The following CEP126 variants were observed in gnomAD, a reference collection of about 807,000 sequenced individuals.
CEP126 encodes centrosomal protein 126.
Under a neutral mutation model 107.8 loss-of-function variants are expected in CEP126, and 74 were observed. The ratio of observed to expected loss-of-function variants is 0.69; its 90% CI spans 0.57 to 0.83. CEP126 has a LOEUF of 0.83. Among genes scored for constraint, CEP126 ranks in the 40% least tolerant of loss-of-function variants. The pLI, the probability that CEP126 is intolerant of heterozygous loss-of-function variation, is 0.00. For synonymous variants in CEP126, 449 were observed against 446.0 expected, an observed-to-expected ratio of 1.01 and a Z score of -0.08; for missense variants, 1,237 against 1,281.9, an observed-to-expected ratio of 0.96 and a Z score of 0.53.
At chr11:101,956,972 TG>T in intron 4 of CEP126, 1 of 324,252 alleles carries the variant, frequency 3.1e-6, no homozygotes, top group South Asian at 2.6e-5. Flanking sequence ...TTAGATATTT[TG>T]TAGATATAGC....
At chr11:101,973,665 A>T (rs545710659) in intron 6 of CEP126, among the ~76,000 whole-genome samples, 29 of 152,210 alleles carry the variant, frequency 1.9e-4, no homozygotes, top group South Asian at 1.2e-3. Context: ...AAAACTTAAA[A>T]TTTTTTTTAA....
Position 101,962,921 on chromosome 11 carries a change from A to T in CEP126, c.1886A>T (p.Lys629Ile). 6.2e-7 allele frequency: 1 copy of T among 1,610,250 alleles called. No individual in the cohort carries two copies. Among genetic ancestry groups the T allele is most frequent in the Non-Finnish European group, 8.5e-7 (1 of 1,179,040 alleles). Reference sequence around the variant, plus strand: ...GCAGAAATTCCAAAGACCATTAAAAAACTGAGGTGGTTTGATGAAACTAGC... The same window carrying T: ...GCAGAAATTCCAAAGACCATTAAAATACTGAGGTGGTTTGATGAAACTAGC... ...KGAEIPKTIK[K>I]LRWFDETSNI... The change falls in exon 6 of 11, where the codon AAA becomes ATA. Residue 629 changes from lysine to isoleucine, a missense_variant. This residue lies in a region of CEP126 where 1,134 missense variants were observed against 1,150.5 expected (regional missense o/e 0.99). Transcript: ENST00000263468.
chr11:101,945,953 T>C (rs1940730476), intron 3 of CEP126, among the ~76,000 whole-genome samples: 1 of 152,150 alleles, frequency 6.6e-6, no homozygotes, highest in East Asian at 1.9e-4. Context: ...GTCTCTGCTA[T>C]AATTAGATTT....
chr11:101,955,872 G>T (rs755674503), intron 4 of CEP126: 1 of 456,086 alleles, frequency 2.2e-6, no homozygotes, highest in Non-Finnish European at 4.4e-6. Flanking sequence ...GTCCCATTGC[G>T]GTCCCACCAC....
chr11:101,927,414 C>T (rs762264082), intron 2 of CEP126, among the ~76,000 whole-genome samples: 27 of 152,270 alleles, frequency 1.8e-4, no homozygotes, highest in Non-Finnish European at 3.8e-4. Flanking sequence ...ATACCTTTTA[C>T]CCAGTTTCCC....
In CEP126 at chr11:101,963,409, C is replaced by A. The variant is rs143829118; in HGVS notation, c.2374C>A (p.Gln792Lys). 1.4e-5 allele frequency: 23 copies of A among 1,614,132 alleles called. No homozygotes were observed. The African/African-American group carries it at 2.9e-4, about 21-fold the overall frequency. ...QSASKVNIFT[Q>K]AQGKLIIPCP... ...TGCAAGCAAAGTCAACATATTTACA[C>A]AAGCTCAGGGAAAATTAATTATACC... The change falls in exon 6 of 11, where the codon CAA becomes AAA. Residue 792 changes from glutamine to lysine, a missense_variant. Physicochemically the swap from Gln to Lys is moderately conservative, Grantham distance 53. Transcript: ENST00000263468.
rs1941473245 is a variant in CEP126 at position 101,998,740 on chromosome 11, A to G, written c.*1097A>G. On this transcript the variant is annotated 3_prime_UTR_variant, in exon 11 of 11. Coordinates refer to ENST00000263468, the MANE Select transcript of CEP126 (RefSeq NM_020802.4). Reference sequence around the variant, plus strand: ...TTGATGTAGTGAGAAATGCATTAACATGTTGAATGCCTACCATGTACCAAA... The same window carrying G: ...TTGATGTAGTGAGAAATGCATTAACGTGTTGAATGCCTACCATGTACCAAA... The G allele has an allele frequency of 6.6e-6, 1 of 152,098 alleles. No homozygotes were observed. The highest frequency in any genetic ancestry group is 2.4e-5 in the African/African-American group (1 of 41,400). 9.4% of individuals were successfully genotyped at this position (152,098 alleles called of 1,614,324 possible).
At chr11:101,917,081 T>A (rs558143244) in intron 1 of CEP126, among the ~76,000 whole-genome samples, 1 of 150,878 alleles carries the variant, frequency 6.6e-6, no homozygotes, top group African/African-American at 2.4e-5. Flanking sequence ...TGTGTGCTGG[T>A]TTATATATAT....
intron 6 of CEP126, among the ~76,000 whole-genome samples, chr11:101,975,375 C>T (rs1463839617): frequency 6.6e-6 from 1 of 152,070 alleles, no homozygotes; most frequent in Non-Finnish European, 1.5e-5. Flanking sequence ...ACATATGTCT[C>T]CAAGGTCACA....
intron 1 of CEP126, among the ~76,000 whole-genome samples, chr11:101,921,136 G>C (rs1940319939): frequency 6.6e-6 from 1 of 152,042 alleles, no homozygotes; most frequent in African/African-American, 2.4e-5. Context: ...CTTTTTCTCT[G>C]ACAAGCTTCT....
chr11:101,983,046 G>T (rs1941275560), intron 8 of CEP126, among the ~76,000 whole-genome samples: 1 of 152,116 alleles, frequency 6.6e-6, no homozygotes, highest in African/African-American at 2.4e-5. Flanking sequence ...TGTACCAATG[G>T]CAGATTCCCC....
At chr11:101,937,306 T>C (rs576550338) in intron 2 of CEP126, among the ~76,000 whole-genome samples, 1 of 152,306 alleles carries the variant, frequency 6.6e-6, no homozygotes, top group South Asian at 2.1e-4. Context: ...TATTCACACT[T>C]AAGTACTTAA....
chr11:101,956,488 A>C (rs769760286), intron 4 of CEP126: 2 of 456,540 alleles, frequency 4.4e-6, no homozygotes, highest in Non-Finnish European at 8.8e-6. Flanking sequence ...CACCAGCCTC[A>C]GTTCTCTCCC....
intron 8 of CEP126, among the ~76,000 whole-genome samples, chr11:101,986,246 G>A (rs1287577480): frequency 2.0e-5 from 3 of 152,000 alleles, no homozygotes; most frequent in African/African-American, 7.2e-5. Context: ...GCCTTCCAAG[G>A]TGCTGGGATT....
At chr11:101,977,386 A>G (rs1314923712) in intron 6 of CEP126, among the ~76,000 whole-genome samples, 1 of 152,134 alleles carries the variant, frequency 6.6e-6, no homozygotes, top group Non-Finnish European at 1.5e-5. Context: ...TAATCCCAGC[A>G]CTTTGGGAGG....
Position 101,963,813 on chromosome 11 carries a change from TGAA to T in CEP126, c.2785_2787del (p.Glu929del). 2 of 1,614,188 alleles carry T rather than the reference TGAA, an allele frequency of 1.2e-6. No homozygotes were observed. The highest frequency in any genetic ancestry group is 1.7e-6 in the Non-Finnish European group (2 of 1,180,026). On this transcript the variant is annotated inframe_deletion, in exon 6 of 11. Coordinates refer to ENST00000263468, the MANE Select transcript of CEP126 (RefSeq NM_020802.4). ...ATCCGTCTGTGACTCTAAGAACTGC[TGAA>T]GAAGAATCAGTTCCCTTATGGAAAA...
intron 6 of CEP126, 41 bp downstream of exon 6, chr11:101,963,921 C>A (rs373213354): frequency 2.3e-6 from 3 of 1,327,044 alleles, no homozygotes; most frequent in Admixed American, 4.4e-5. Context: ...AAAATGTACA[C>A]CTTTGTTAAA....
chr11:101,997,265 C>T (rs1235527324), intron 10 of CEP126, among the ~76,000 whole-genome samples: 3 of 152,118 alleles, frequency 2.0e-5, no homozygotes, highest in Non-Finnish European at 4.4e-5. Context: ...CTCGAACTCC[C>T]GACTTCGTGA....
In CEP126 at chr11:102,000,749, T is replaced by C. The variant is rs1355240087; in HGVS notation, c.*3106T>C. ...CTCTTGGGCAAAAGGTATCAAATAATTGAAAGAAAAGTTTAAACACATTTC... is the reference window on the plus strand; with the variant it reads ...CTCTTGGGCAAAAGGTATCAAATAACTGAAAGAAAAGTTTAAACACATTTC... On this transcript the variant is annotated 3_prime_UTR_variant, in exon 11 of 11. Coordinates refer to ENST00000263468, the MANE Select transcript of CEP126 (RefSeq NM_020802.4). The C allele has an allele frequency of 6.6e-6, 1 of 151,680 alleles. No individual in the cohort carries two copies. The highest frequency in any genetic ancestry group is 1.5e-5 in the Non-Finnish European group (1 of 67,934). The allele number at this position is 151,680 out of a possible 1,614,324, so 9.4% of individuals were successfully genotyped here.
Sources: allele counts gnomAD v4.1 joint callset (sites outside exome capture counted in the v4.1 genomes callset), GRCh38; gene constraint gnomAD v4.1.1; regional missense constraint gnomAD v4.1.1; transcripts MANE v1.5; gene names NCBI Gene and HGNC (gene_info 2026-07-23, HGNC 2026-07-21).